Variants in CMSS1 observed in about 807,000 individuals in gnomAD.
CMSS1 encodes protein CMSS1.
In CMSS1, 33 loss-of-function variants were observed where a neutral mutation model predicts 43.5. The observed-to-expected ratio is 0.76, with a 90% CI of 0.57 to 1.01. The LOEUF is 1.01. Ranked by LOEUF, CMSS1 falls within the 50% of genes least tolerant of loss-of-function variation. The pLI, the probability that CMSS1 is intolerant of heterozygous loss-of-function variation, is 0.00. For missense variants in CMSS1, 313 were observed against 326.4 expected, an observed-to-expected ratio of 0.96 and a Z score of 0.32; for synonymous variants, 115 against 117.2, an observed-to-expected ratio of 0.98 and a Z score of 0.12.
intron 1 of CMSS1, among the ~76,000 whole-genome samples, chr3:100,064,526 T>C (rs575015045): frequency 6.6e-6 from 1 of 152,332 alleles, no homozygotes; most frequent in South Asian, 2.1e-4. Flanking sequence ...TTTTCATTCT[T>C]TATGTTTTGA....
At chr3:99,867,518 A>G (rs1475504162) in intron 1 of CMSS1, among the ~76,000 whole-genome samples, 1 of 152,204 alleles carries the variant, frequency 6.6e-6, no homozygotes, top group African/African-American at 2.4e-5. Flanking sequence ...CAGGTATTAA[A>G]CAATTGAAAA....
At chr3:99,980,344 A>G (rs1035059253) in intron 1 of CMSS1, among the ~76,000 whole-genome samples, 1 of 152,150 alleles carries the variant, frequency 6.6e-6, no homozygotes, top group African/African-American at 2.4e-5. Flanking sequence ...GAAGTCTTGC[A>G]TTGGATGTTT....
chr3:99,839,435 G>A (rs550364449), intron 1 of CMSS1, among the ~76,000 whole-genome samples: 100 of 152,344 alleles, frequency 6.6e-4, no homozygotes, highest in African/African-American at 2.3e-3. Context: ...GCCTGTGGTG[G>A]TTATAAGCTA....
At chr3:99,927,661 G>A (rs979129091) in intron 1 of CMSS1, among the ~76,000 whole-genome samples, 31 of 152,146 alleles carry the variant, frequency 2.0e-4, no homozygotes, top group African/African-American at 6.3e-4. Context: ...GAGCCACTGC[G>A]CCCGGCCCAT....
At chr3:100,124,175 C>A (rs1403990515) in intron 1 of CMSS1, among the ~76,000 whole-genome samples, 1 of 152,118 alleles carries the variant, frequency 6.6e-6, no homozygotes, top group African/African-American at 2.4e-5. Context: ...TTTAATGTGG[C>A]TGAAAACATT....
intron 1 of CMSS1, among the ~76,000 whole-genome samples, chr3:100,051,476 A>T (rs965182131): frequency 2.7e-5 from 4 of 150,920 alleles, no homozygotes; most frequent in African/African-American, 9.7e-5. Context: ...ATTTAACATT[A>T]GGTATATCTC....
chr3:100,068,465 A>T (rs376420717), intron 1 of CMSS1, among the ~76,000 whole-genome samples: 1 of 152,168 alleles, frequency 6.6e-6, no homozygotes, highest in African/African-American at 2.4e-5. Context: ...GTCTATCTAG[A>T]TTCTTTAACA....
chr3:100,077,520 G>T, intron 1 of CMSS1, among the ~76,000 whole-genome samples: 1 of 152,216 alleles, frequency 6.6e-6, no homozygotes, highest in East Asian at 1.9e-4. Context: ...TTAAGGAAAT[G>T]GAGAGGGGAG....
intron 1 of CMSS1, among the ~76,000 whole-genome samples, chr3:100,085,852 A>T (rs900163700): frequency 3.3e-5 from 5 of 152,352 alleles, no homozygotes; most frequent in Admixed American, 1.3e-4. Context: ...GCAGGAAAAG[A>T]GGTGGTTACA....
intron 1 of CMSS1, among the ~76,000 whole-genome samples, chr3:100,081,661 G>T (rs768862346): frequency 9.9e-5 from 15 of 152,126 alleles, no homozygotes; most frequent in Non-Finnish European, 1.8e-4. Context: ...GTCATGAAAA[G>T]TTCTCTAAGA....
intron 1 of CMSS1, among the ~76,000 whole-genome samples, chr3:99,973,094 A>C (rs1401915047): frequency 6.6e-6 from 1 of 152,228 alleles, no homozygotes; most frequent in African/African-American, 2.4e-5. Context: ...ACAATTATTA[A>C]AAAAGATGAA....
chr3:99,990,878 A>G (rs1709490539), intron 1 of CMSS1, among the ~76,000 whole-genome samples: 1 of 152,162 alleles, frequency 6.6e-6, no homozygotes, highest in Non-Finnish European at 1.5e-5. Context: ...ATATTTGTTG[A>G]CTCCCATCTA....
At chr3:100,007,219 T>C (rs931074664) in intron 1 of CMSS1, among the ~76,000 whole-genome samples, 2 of 152,232 alleles carry the variant, frequency 1.3e-5, no homozygotes, top group Admixed American at 6.5e-5. Context: ...TTTCTCTTCA[T>C]GACCATGAAA....
In CMSS1 at chr3:100,037,961, G is replaced by A. The variant is rs371591287; in HGVS notation, c.65-109012G>A. Among the ~76,000 whole-genome samples, 387 of 132,506 alleles carry A rather than the reference G, an allele frequency of 2.9e-3. 1 individual carries two copies. Among genetic ancestry groups the A allele is most frequent in the African/African-American group, 0.011 (366 of 34,076 alleles). The allele number at this position is 132,506 out of a possible 152,430, so 86.9% of individuals were successfully genotyped here. On this transcript the variant is annotated intron_variant, in intron 1 of 9. Transcript: ENST00000421999. ...TTTCTTTTTTTTTTTTTTTTTGGGG[G>A]GGGAGGGAACAGAGTCTCAAATCTC...
In CMSS1 at chr3:99,831,073, T is replaced by A. The variant is rs116448619; in HGVS notation, c.64+13030T>A. Among the ~76,000 whole-genome samples, 529 of 152,328 alleles carry A rather than the reference T, an allele frequency of 3.5e-3. 5 individuals are homozygous for A. Among genetic ancestry groups the A allele is most frequent in the Middle Eastern group, 6.8e-3 (2 of 294 alleles). On this transcript the variant is annotated intron_variant, in intron 1 of 9. Transcript: ENST00000421999. ...GATGATTAGTGGAACAGCTTGGTAG[T>A]ATGTATCAAGAGCCTTATGAATCTT...
At chr3:99,930,172 T>C in intron 1 of CMSS1, 2 of 688,902 alleles carry the variant, frequency 2.9e-6, no homozygotes, top group African/African-American at 1.8e-5. Flanking sequence ...TTATAAAAGG[T>C]AACAAAACTA....
intron 1 of CMSS1, among the ~76,000 whole-genome samples, chr3:100,117,261 A>G (rs556755641): frequency 2.0e-5 from 3 of 152,194 alleles, no homozygotes; most frequent in South Asian, 2.1e-4. Context: ...ATGTTATTTG[A>G]TTTTAATTCA....
At chr3:99,901,237 A>G (rs1465809058) in intron 1 of CMSS1, among the ~76,000 whole-genome samples, 1 of 152,234 alleles carries the variant, frequency 6.6e-6, no homozygotes. Context: ...GAAATAGGAT[A>G]GTACCTTCCT....
intron 1 of CMSS1, among the ~76,000 whole-genome samples, chr3:100,055,607 T>TA (rs2065451570): frequency 6.6e-6 from 1 of 152,224 alleles, no homozygotes; most frequent in South Asian, 2.1e-4. Context: ...CCCATTGCTA[T>TA]ACCACCTAGA....
Sources: gnomAD v4.1 joint callset for allele counts (sites outside exome capture counted in the v4.1 genomes callset) on GRCh38, gnomAD v4.1.1 for gene constraint, MANE v1.5 for transcripts, NCBI Gene and HGNC (gene_info 2026-07-23, HGNC 2026-07-21) for gene names.